The following AFF4 variants were observed in gnomAD, a reference collection of about 807,000 sequenced individuals.
AFF4 encodes ALF transcription elongation factor 4.
Under a neutral mutation model 124.8 loss-of-function variants are expected in AFF4, and 13 were observed. That is an observed-to-expected ratio of 0.10 (90% CI 0.07 to 0.17). AFF4 has a LOEUF of 0.17. AFF4 is among the 10% of genes least tolerant of loss of function. The pLI is 1.00. For missense variants in AFF4, 1,092 were observed against 1,403.8 expected (o/e 0.78, Z 3.55); for synonymous variants, 477 against 496.1 (o/e 0.96, Z 0.51).
At chr5:132,906,348 G>C (rs138087966) in intron 5 of AFF4, among the ~76,000 whole-genome samples, 4 of 152,186 alleles carry the variant, frequency 2.6e-5, no homozygotes, top group Admixed American at 2.6e-4. Context: ...CCAAAAAGTG[G>C]AAACAACTCA....
At position 132,960,724 on chromosome 5, in the gene AFF4, T is replaced by G. The variant is rs370691551; in HGVS notation, c.-5+2535A>C. ...AGTTGATAGAACAACAATTTCAAGT[T>G]CAAAATATTATCACATTCAAATTCA... is the stretch of plus-strand genomic sequence containing the variant. On this transcript the variant is annotated intron_variant, in intron 1 of 20. Coordinates refer to ENST00000265343, the MANE Select transcript of AFF4 (RefSeq NM_014423.4). 5.5e-4 allele frequency among the ~76,000 whole-genome samples: 84 copies of G among 152,280 alleles called. No homozygotes were observed. In the South Asian group the frequency reaches 0.017, roughly 32 times the overall value.
intron 5 of AFF4, among the ~76,000 whole-genome samples, chr5:132,925,525 A>G (rs1761150816): frequency 6.6e-6 from 1 of 152,202 alleles, no homozygotes; most frequent in South Asian, 2.1e-4. Context: ...AGCATGTATA[A>G]GAAATTATTA....
In AFF4 at chr5:132,886,306, T is replaced by C. The variant is rs1426048983; in HGVS notation, c.3099+4A>G. On this transcript the variant is annotated splice_donor_region_variant and intron_variant, in intron 18 of 20. Transcript: ENST00000265343. The stretch of plus-strand genomic sequence containing the variant: ...AAACGGACCTTGTGCTTTTGCATAC[T>C]TACCTTCAGGTGCTCTGTCAGTGTC... 2 of 1,613,032 alleles carry C rather than the reference T, an allele frequency of 1.2e-6. No homozygotes were observed. Among genetic ancestry groups the C allele is most frequent in the African/African-American group, 1.3e-5 (1 of 75,012 alleles).
At chr5:132,944,719 C>G (rs941653620) in intron 1 of AFF4, among the ~76,000 whole-genome samples, 1 of 151,964 alleles carries the variant, frequency 6.6e-6, no homozygotes, top group African/African-American at 2.4e-5. Context: ...AACCTGAGGT[C>G]AGGAGTTCAA....
intron 5 of AFF4, among the ~76,000 whole-genome samples, chr5:132,908,655 A>G (rs1477485796): frequency 6.6e-6 from 1 of 151,290 alleles, no homozygotes; most frequent in African/African-American, 2.4e-5. Context: ...AAAAAACTAA[A>G]AATACATAAA....
At chr5:132,949,214 T>C (rs1246503810) in intron 1 of AFF4, among the ~76,000 whole-genome samples, 2 of 149,650 alleles carry the variant, frequency 1.3e-5, no homozygotes, top group Non-Finnish European at 3.0e-5. Flanking sequence ...TCTGCCTTTT[T>C]TTTTTTTTTT....
chr5:132,904,189 C>G, intron 6 of AFF4, 179 bp downstream of exon 6: 1 of 440,936 alleles, frequency 2.3e-6, no homozygotes, highest in South Asian at 2.6e-5. Flanking sequence ...CCCTGGAGAT[C>G]GAGGCTGCAG....
intron 1 of AFF4, among the ~76,000 whole-genome samples, chr5:132,937,435 T>G (rs888936858): frequency 1.3e-5 from 2 of 152,144 alleles, no homozygotes; most frequent in Admixed American, 1.3e-4. Flanking sequence ...AACAAAACAC[T>G]TAACCTTATC....
Position 132,888,175 on chromosome 5 carries a change from T to A in AFF4, c.2733-15A>T. The A allele has an allele frequency of 1.3e-6, 2 of 1,589,638 alleles. No individual in the cohort carries two copies. Among genetic ancestry groups the A allele is most frequent in the Non-Finnish European group, 1.7e-6 (2 of 1,163,072 alleles). On this transcript the variant is annotated splice_polypyrimidine_tract_variant and intron_variant, in intron 14 of 20. Coordinates refer to ENST00000265343, the MANE Select transcript of AFF4 (RefSeq NM_014423.4). ...CTGAATAATTTCTGCAAGACAAATT[T>A]TCATTATAAATAGAATAGTAAATAT...
Position 132,880,269 on chromosome 5 carries a change from T to G in AFF4, c.*790A>C. 2.5e-6 allele frequency: 1 copy of G among 399,002 alleles called. No homozygotes were observed. Among genetic ancestry groups the G allele is most frequent in the Non-Finnish European group, 4.4e-6 (1 of 226,026 alleles). 24.7% of individuals were successfully genotyped at this position (399,002 alleles called of 1,614,324 possible). On this transcript the variant is annotated 3_prime_UTR_variant, in exon 21 of 21. Coordinates refer to ENST00000265343, the MANE Select transcript of AFF4 (RefSeq NM_014423.4). ...TTTTATGAAACCCTTCAACATGAAA[T>G]GCTTCTTCTAGAAAGTTTGTCCTCC... is the stretch of plus-strand genomic sequence containing the variant.
intron 1 of AFF4, among the ~76,000 whole-genome samples, chr5:132,962,160 T>C (rs957590610): frequency 2.0e-5 from 3 of 152,250 alleles, no homozygotes; most frequent in Non-Finnish European, 4.4e-5. Flanking sequence ...TTTGATAAGT[T>C]AAAGACCAGT....
At chr5:132,908,106 T>C (rs1038493777) in intron 5 of AFF4, among the ~76,000 whole-genome samples, 1 of 151,988 alleles carries the variant, frequency 6.6e-6, no homozygotes, top group Non-Finnish European at 1.5e-5. Context: ...TTAAACAAGT[T>C]TGTCTTCCAG....
intron 5 of AFF4, among the ~76,000 whole-genome samples, chr5:132,924,390 TA>T (rs563878532): frequency 8.5e-5 from 13 of 152,290 alleles, no homozygotes; most frequent in African/African-American, 3.1e-4. Flanking sequence ...CATGAAATTC[TA>T]GAAAAAGCAA....
Position 132,934,348 on chromosome 5 carries a change from T to C in AFF4, c.717A>G (p.Pro239=). The part of the protein sequence containing the change: ...SSGQHSTQSF[P]PSLMSKSNSM... ...AATTGGACTTTGACATCAATGAGGG[T>C]GGGAAAGATTGAGTTGAGTGCTGCC... Residue 239 remains proline, a synonymous_variant, in exon 3 of 21, where the codon CCA becomes CCG. Coordinates refer to ENST00000265343, the MANE Select transcript of AFF4 (RefSeq NM_014423.4). 1 of 1,613,786 alleles carries C rather than the reference T, an allele frequency of 6.2e-7. No individual in the cohort carries two copies.
chr5:132,931,370 A>G (rs539281333), intron 4 of AFF4, among the ~76,000 whole-genome samples: 1 of 152,312 alleles, frequency 6.6e-6, no homozygotes, highest in Non-Finnish European at 1.5e-5. Flanking sequence ...CAGAGGTAGC[A>G]GTGAGCCTAG....
In AFF4 at chr5:132,896,231, T is replaced by C. The variant is rs145089351; in HGVS notation, c.2307+92A>G. 50 of 1,443,366 alleles carry C rather than the reference T, an allele frequency of 3.5e-5. No individual in the cohort carries two copies. The East Asian group carries it at 1.1e-3, about 31-fold the overall frequency. The allele number at this position is 1,443,366 out of a possible 1,614,324, so 89.4% of individuals were successfully genotyped here. A position where few individuals can be genotyped will look rare whatever the true frequency, so the allele number is the denominator to read the frequency against. On this transcript the variant is annotated intron_variant, in intron 11 of 20. Coordinates refer to ENST00000265343, the MANE Select transcript of AFF4 (RefSeq NM_014423.4). ...ACCCACTATTTTCCTTCACAGCTTA[T>C]GACCCACCTTGTTACTTTGTGGCTT...
At position 132,893,098 on chromosome 5, in the gene AFF4, G is replaced by A. The variant is rs1239924660; in HGVS notation, c.2328C>T (p.Ala776=). The A allele has an allele frequency of 6.2e-7, 1 of 1,613,892 alleles. No homozygotes were observed. The highest frequency in any genetic ancestry group is 8.5e-7 in the Non-Finnish European group (1 of 1,179,970). Residue 776 remains alanine, a synonymous_variant, in exon 12 of 21, where the codon GCC becomes GCT. Coordinates refer to ENST00000265343, the MANE Select transcript of AFF4 (RefSeq NM_014423.4). ...CCGTTTTGGGTTTCTTGCTCTCACT[G>A]GCTCGGTTATCATCTTCATTCTAGA... ...RKHKNEDDNR[A]SESKKPKTED...
Position 132,904,372 on chromosome 5 carries a change from T to C in AFF4, c.1083A>G (p.Glu361=). The change falls in exon 6 of 21, where the codon GAA becomes GAG. Residue 361 remains glutamate (E), a synonymous_variant. Coordinates refer to ENST00000265343, the MANE Select transcript of AFF4 (RefSeq NM_014423.4). Reference sequence around the variant, plus strand: ...AAGAGGGAAAGAAATACTCACTTTGTTCTCCAGTGCCAAAATTGGACTGCT... The same window carrying C: ...AAGAGGGAAAGAAATACTCACTTTGCTCTCCAGTGCCAAAATTGGACTGCT... ...ESQQSNFGTG[E]QKRYNPSKTS... is the part of the protein sequence containing the mutation. 3 of 1,611,422 alleles carry C rather than the reference T, an allele frequency of 1.9e-6. No individual in the cohort carries two copies. The highest frequency in any genetic ancestry group is 3.4e-5 in the Admixed American group (2 of 59,512).
At position 132,878,743 on chromosome 5, in the gene AFF4, C is replaced by A. The variant is rs1474560867; in HGVS notation, c.*2316G>T. 3.1e-5 allele frequency: 7 copies of A among 225,134 alleles called. No homozygotes were observed. 13.9% of individuals were successfully genotyped at this position (225,134 alleles called of 1,614,324 possible). On this transcript the variant is annotated 3_prime_UTR_variant, in exon 21 of 21. Coordinates refer to ENST00000265343, the MANE Select transcript of AFF4 (RefSeq NM_014423.4). Reference sequence around the variant, plus strand: ...TAAAGAGAAAATATTAGAGCAGCACCATAAACCATGCAGGAAACTCTGCTT... The same window carrying A: ...TAAAGAGAAAATATTAGAGCAGCACAATAAACCATGCAGGAAACTCTGCTT...
Sources: allele counts gnomAD v4.1 joint callset (sites outside exome capture counted in the v4.1 genomes callset), GRCh38; gene constraint gnomAD v4.1.1; transcripts MANE v1.5; gene names NCBI Gene and HGNC (gene_info 2026-07-23, HGNC 2026-07-21).